Variants in CTNNA2 observed in about 807,000 individuals in gnomAD.
The protein encoded by CTNNA2 is catenin alpha-2.
In CTNNA2, 42 loss-of-function variants were observed where a neutral mutation model predicts 101.0. The ratio of observed to expected loss-of-function variants is 0.42; its 90% confidence interval spans 0.32 to 0.54. The LOEUF is 0.54. Ranked by LOEUF, CTNNA2 falls within the 20% of genes least tolerant of loss-of-function variation. The pLI is 0.14. For missense variants in CTNNA2, 871 were observed against 1,223.1 expected, an observed-to-expected ratio of 0.71 and a Z score of 4.29; for synonymous variants, 450 against 456.4, an observed-to-expected ratio of 0.99 and a Z score of 0.18.
chr2:79,410,287 C>G (rs1308573897), intron 4 of CTNNA2, among the ~76,000 whole-genome samples: 1 of 142,556 alleles, frequency 7.0e-6, no homozygotes, highest in East Asian at 2.1e-4. Flanking sequence ...ATTGAATACC[C>G]TTTATTTCCT....
At chr2:79,787,870 AG>A (rs1361668725) in intron 3 of CTNNA2, among the ~76,000 whole-genome samples, 3 of 151,994 alleles carry the variant, frequency 2.0e-5, no homozygotes, top group African/African-American at 7.2e-5. Flanking sequence ...CCAGACCTAT[AG>A]TTTAACCACA....
intron 7 of CTNNA2, among the ~76,000 whole-genome samples, chr2:80,385,682 G>T (rs144096714): frequency 6.6e-6 from 1 of 151,432 alleles, no homozygotes; most frequent in Non-Finnish European, 1.5e-5. Flanking sequence ...CTTTCTTGCC[G>T]CAGTTTCTCT....
At chr2:79,195,670 G>A (rs962236338) in intron 1 of CTNNA2, among the ~76,000 whole-genome samples, 3 of 152,092 alleles carry the variant, frequency 2.0e-5, no homozygotes, top group Non-Finnish European at 4.4e-5. Context: ...CACAGCCCAG[G>A]GACCTTAATA....
At chr2:79,541,458 A>G (rs1673416909) in intron 1 of CTNNA2, among the ~76,000 whole-genome samples, 1 of 146,932 alleles carries the variant, frequency 6.8e-6, no homozygotes. Flanking sequence ...ATATATATAT[A>G]CACTCATATA....
intron 7 of CTNNA2, among the ~76,000 whole-genome samples, chr2:79,922,251 A>T (rs562069469): frequency 2.0e-5 from 3 of 152,230 alleles, no homozygotes; most frequent in Non-Finnish European, 4.4e-5. Context: ...TTTTCCCCCT[A>T]AAGTGACTCA....
At chr2:79,533,862 A>G (rs998237329) in intron 1 of CTNNA2, among the ~76,000 whole-genome samples, 1 of 152,142 alleles carries the variant, frequency 6.6e-6, no homozygotes, top group Non-Finnish European at 1.5e-5. Flanking sequence ...TCATATATCC[A>G]TATATCCTAC....
chr2:79,426,944 T>G (rs1240215422), intron 4 of CTNNA2, among the ~76,000 whole-genome samples: 1 of 152,104 alleles, frequency 6.6e-6, no homozygotes, highest in African/African-American at 2.4e-5. Context: ...AAGATTCATA[T>G]GAAGTGGTGT....
At chr2:79,589,717 T>G (rs62140066) in intron 1 of CTNNA2, among the ~76,000 whole-genome samples, 1 of 56,468 alleles carries the variant, frequency 1.8e-5, no homozygotes, top group African/African-American at 5.8e-5. Flanking sequence ...TCTTTTTTTT[T>G]CCCCCCCCCG....
chr2:79,506,041 A>G (rs1671406111), intron 5 of CTNNA2, among the ~76,000 whole-genome samples: 1 of 152,218 alleles, frequency 6.6e-6, no homozygotes, highest in Non-Finnish European at 1.5e-5. Context: ...CACAATGTAA[A>G]CAGGCACTGG....
chr2:80,421,522 C>G (rs1420001628), intron 9 of CTNNA2, among the ~76,000 whole-genome samples: 1 of 152,220 alleles, frequency 6.6e-6, no homozygotes, highest in Non-Finnish European at 1.5e-5. Flanking sequence ...TCCACCCTCT[C>G]CCCTTATTCT....
chr2:80,254,091 AG>A (rs970058929), intron 7 of CTNNA2, among the ~76,000 whole-genome samples: 21 of 152,148 alleles, frequency 1.4e-4, no homozygotes, highest in Non-Finnish European at 2.4e-4. Flanking sequence ...TTATGAATTT[AG>A]GGGCCATTGT....
At chr2:79,261,621 C>A (rs1341888335) in intron 2 of CTNNA2, among the ~76,000 whole-genome samples, 1 of 152,208 alleles carries the variant, frequency 6.6e-6, no homozygotes, top group Non-Finnish European at 1.5e-5. Flanking sequence ...GTCTTTGTGC[C>A]TGCACACAGA....
intron 2 of CTNNA2, chr2:79,293,111 G>T (rs1675870521): frequency 6.6e-6 from 1 of 152,184 alleles, no homozygotes; most frequent in Non-Finnish European, 1.5e-5. Flanking sequence ...TCCCTCACTA[G>T]TCAAAATCTG....
At chr2:80,274,988 G>C (rs1673781161) in intron 7 of CTNNA2, among the ~76,000 whole-genome samples, 1 of 152,132 alleles carries the variant, frequency 6.6e-6, no homozygotes, top group South Asian at 2.1e-4. Context: ...ATCAATTATA[G>C]CATATAGAAG....
At chr2:80,350,586 C>G (rs893740219) in intron 7 of CTNNA2, among the ~76,000 whole-genome samples, 1 of 152,126 alleles carries the variant, frequency 6.6e-6, no homozygotes, top group Non-Finnish European at 1.5e-5. Context: ...ATGAACCTCT[C>G]CAAGTAAGAC....
intron 3 of CTNNA2, among the ~76,000 whole-genome samples, chr2:79,771,040 A>G (rs529157505): frequency 4.6e-5 from 7 of 152,280 alleles, no homozygotes; most frequent in African/African-American, 1.7e-4. Flanking sequence ...ATCACAGCCT[A>G]TTTTTTGTTG....
At chr2:80,341,157 G>A (rs1225728149) in intron 7 of CTNNA2, among the ~76,000 whole-genome samples, 1 of 152,086 alleles carries the variant, frequency 6.6e-6, no homozygotes, top group Non-Finnish European at 1.5e-5. Flanking sequence ...GATGTTTAGA[G>A]ATTTTTTTTT....
intron 9 of CTNNA2, among the ~76,000 whole-genome samples, chr2:80,489,544 A>G (rs1686871262): frequency 6.6e-6 from 1 of 152,198 alleles, no homozygotes; most frequent in African/African-American, 2.4e-5. Context: ...GTGATTGTTA[A>G]GAGTCCATGT....
In CTNNA2 at chr2:79,871,346, C is replaced by T. The variant is rs1682564980; in HGVS notation, c.585+1411C>T. Among the ~76,000 whole-genome samples the T allele has an allele frequency of 2.0e-5, 3 of 152,120 alleles. No individual in the cohort carries two copies. The South Asian group carries it at 6.2e-4, about 32-fold the overall frequency. Reference sequence around the variant, plus strand: ...TAAGTATGTTTTTATCAGCAGAATTCCTTGTTGAAAGGGAATCTTGTATGG... The same window carrying T: ...TAAGTATGTTTTTATCAGCAGAATTTCTTGTTGAAAGGGAATCTTGTATGG... On this transcript the variant is annotated intron_variant, in intron 5 of 18. Coordinates refer to ENST00000402739, the MANE Select transcript of CTNNA2 (RefSeq NM_001282597.3).
Sources: allele counts gnomAD v4.1 joint callset (sites outside exome capture counted in the v4.1 genomes callset), GRCh38; gene constraint gnomAD v4.1.1; transcripts MANE v1.5; gene names NCBI Gene and HGNC (gene_info 2026-07-23, HGNC 2026-07-21).